KLF12: variants seen among roughly 807,000 people sequenced by gnomAD.
KLF12 encodes the protein KLF transcription factor 12.
KLF12 carries 9 observed loss-of-function variants against 37.8 expected under a neutral mutation model. That is an observed-to-expected ratio of 0.24 (90% CI 0.14 to 0.42). The LOEUF is 0.42. Ranked by LOEUF, KLF12 falls within the 10% of genes least tolerant of loss-of-function variation. The pLI, the probability that KLF12 is intolerant of heterozygous loss-of-function variation, is 1.00. For synonymous variants in KLF12, 208 were observed against 202.1 expected (o/e 1.03, Z -0.25); for missense variants, 411 against 516.0 (o/e 0.80, Z 1.97).
the KLF12 span, among the ~76,000 whole-genome samples, chr13:74,218,962 G>GTTTT: frequency 8.3e-6 from 1 of 120,170 alleles, no homozygotes; most frequent in African/African-American, 3.2e-5. Flanking sequence ...AAAAATAAGA[G>GTTTT]TTTTTTTTTT....
chr13:74,234,763 C>T, the KLF12 span, among the ~76,000 whole-genome samples: 11 of 151,386 alleles, frequency 7.3e-5, no homozygotes, highest in Admixed American at 5.3e-4. Flanking sequence ...AAAAAAGCTT[C>T]GGAGATCTCT....
intron 3 of KLF12, among the ~76,000 whole-genome samples, chr13:73,896,216 A>G (rs1887762723): frequency 6.6e-6 from 1 of 152,240 alleles, no homozygotes; most frequent in African/African-American, 2.4e-5. Flanking sequence ...AATCAAAAAT[A>G]GTTGCTATAA....
chr13:73,967,144 G>C (rs1891191545), intron 2 of KLF12, among the ~76,000 whole-genome samples: 1 of 152,138 alleles, frequency 6.6e-6, no homozygotes, highest in South Asian at 2.1e-4. Flanking sequence ...ATGCATCTTT[G>C]ACTTGGGAAT....
chr13:74,041,727 CA>C (rs1566515009), intron 1 of KLF12, among the ~76,000 whole-genome samples: 7 of 151,388 alleles, frequency 4.6e-5, no homozygotes, highest in African/African-American at 1.2e-4. Flanking sequence ...CACACACACA[CA>C]CACACCCCTT....
chr13:73,969,045 A>C (rs1266225046), intron 2 of KLF12, among the ~76,000 whole-genome samples: 1 of 136,640 alleles, frequency 7.3e-6, no homozygotes, highest in Admixed American at 7.4e-5. Context: ...AAAAAAAAAA[A>C]CCTATAGCAA....
chr13:74,140,704 TTG>T, the KLF12 span, among the ~76,000 whole-genome samples: 10 of 152,280 alleles, frequency 6.6e-5, no homozygotes, highest in South Asian at 2.1e-3. Context: ...ACAACTCCTG[TTG>T]CATAGCCTCG....
intron 1 of KLF12, among the ~76,000 whole-genome samples, chr13:74,015,437 C>T (rs1892663092): frequency 6.6e-6 from 1 of 152,046 alleles, no homozygotes; most frequent in South Asian, 2.1e-4. Context: ...TATCACAGTG[C>T]CCAGCACATA....
At chr13:74,074,405 G>A (rs1874448853) in intron 1 of KLF12, among the ~76,000 whole-genome samples, 1 of 152,090 alleles carries the variant, frequency 6.6e-6, no homozygotes, top group African/African-American at 2.4e-5. Flanking sequence ...GGTCTCCTGG[G>A]ACAGCCTTCT....
chr13:74,084,019 T>C (rs914119046), intron 1 of KLF12, among the ~76,000 whole-genome samples: 1 of 152,106 alleles, frequency 6.6e-6, no homozygotes, highest in South Asian at 2.1e-4. Flanking sequence ...TCTTATAGCA[T>C]AGAATCATAA....
chr13:74,210,272 A>G, the KLF12 span, among the ~76,000 whole-genome samples: 1 of 152,190 alleles, frequency 6.6e-6, no homozygotes, highest in Non-Finnish European at 1.5e-5. Flanking sequence ...AACAGATTTT[A>G]AAAAATTATT....
chr13:73,807,224 G>C (rs894636250), intron 5 of KLF12, among the ~76,000 whole-genome samples: 3 of 151,802 alleles, frequency 2.0e-5, no homozygotes, highest in Non-Finnish European at 4.4e-5. Context: ...CAGGAGAATC[G>C]CTTGAACCCA....
chr13:73,790,292 T>C (rs1881612464), intron 5 of KLF12, among the ~76,000 whole-genome samples: 1 of 152,298 alleles, frequency 6.6e-6, no homozygotes, highest in Non-Finnish European at 1.5e-5. Flanking sequence ...AAACTTTTCA[T>C]TTTTTATTTT....
intron 3 of KLF12, among the ~76,000 whole-genome samples, chr13:73,855,119 A>G (rs1885537013): frequency 6.6e-6 from 1 of 152,210 alleles, no homozygotes; most frequent in Non-Finnish European, 1.5e-5. Flanking sequence ...TTTATTTTAG[A>G]ATCACAGAGT....
the KLF12 span, among the ~76,000 whole-genome samples, chr13:74,176,411 T>C: frequency 2.0e-5 from 3 of 152,192 alleles, no homozygotes; most frequent in African/African-American, 7.2e-5. Flanking sequence ...GACTTCTCTG[T>C]CTAACTTTGG....
chr13:73,714,019 A>T (rs1197637757), intron 7 of KLF12, among the ~76,000 whole-genome samples: 1 of 152,190 alleles, frequency 6.6e-6, no homozygotes, highest in Non-Finnish European at 1.5e-5. Flanking sequence ...TACTTACTCA[A>T]TTTCCATGTC....
At chr13:74,154,071 CAA>C in the KLF12 span, among the ~76,000 whole-genome samples, 29 of 146,248 alleles carry the variant, frequency 2.0e-4, no homozygotes, top group South Asian at 2.2e-4. Context: ...AGTAAAATAC[CAA>C]AAAAAAAAAA....
chr13:73,731,801 A>G (rs565795076), intron 6 of KLF12, among the ~76,000 whole-genome samples: 6 of 152,350 alleles, frequency 3.9e-5, no homozygotes, highest in African/African-American at 1.2e-4. Flanking sequence ...AGTGTTTTAC[A>G]TATGAGAATA....
intron 3 of KLF12, among the ~76,000 whole-genome samples, chr13:73,923,156 T>A (rs75534635): frequency 0.019 from 2,929 of 152,292 alleles, 94 homozygotes; most frequent in African/African-American, 0.066. Context: ...ATTCACTCTC[T>A]TAGCAGAGAA....
chr13:74,264,949 A>G, the KLF12 span, among the ~76,000 whole-genome samples: 1 of 152,212 alleles, frequency 6.6e-6, no homozygotes, highest in Non-Finnish European at 1.5e-5. Flanking sequence ...CTTTTAATAC[A>G]GGAAGCTGTA....
Sources: gnomAD v4.1 joint callset for allele counts (sites outside exome capture counted in the v4.1 genomes callset) on GRCh38, gnomAD v4.1.1 for gene constraint, MANE v1.5 for transcripts, NCBI Gene and HGNC (gene_info 2026-07-23, HGNC 2026-07-21) for gene names.